ARHGEF38: variants seen among roughly 807,000 people sequenced by gnomAD.
ARHGEF38 encodes Rho guanine nucleotide exchange factor (GEF) 38.
In ARHGEF38, 79 loss-of-function variants were observed where a neutral mutation model predicts 79.9. The observed-to-expected ratio is 0.99, with a 90% CI of 0.82 to 1.19. The LOEUF (loss-of-function observed/expected upper bound fraction) is 1.19. ARHGEF38 is among the 50% of genes most tolerant of loss of function. ARHGEF38 has a pLI of 0.00. For missense variants in ARHGEF38, 962 were observed against 907.2 expected (o/e 1.06, Z -0.78); for synonymous variants, 366 against 328.3 (o/e 1.11, Z -1.24).
intron 13 of ARHGEF38, 35 bp from the exon 14 acceptor site, chr4:105,677,717 C>A: frequency 1.5e-6 from 2 of 1,373,950 alleles, no homozygotes; most frequent in Non-Finnish European, 9.5e-7. Flanking sequence ...TATTCAGGTT[C>A]CAATTCCAAT....
intron 3 of ARHGEF38, among the ~76,000 whole-genome samples, chr4:105,629,493 T>C (rs1194062463): frequency 6.6e-6 from 1 of 151,888 alleles, no homozygotes; most frequent in Non-Finnish European, 1.5e-5. Flanking sequence ...AATGACTTAC[T>C]CCTGTTAACT....
intron 8 of ARHGEF38, 124 bp from the exon 9 acceptor site, chr4:105,655,479 G>T (rs1352426438): frequency 2.0e-6 from 2 of 997,342 alleles, no homozygotes; most frequent in Non-Finnish European, 1.4e-6. Context: ...AATGTTTGTT[G>T]TTCCTTTTTA....
At position 105,680,076 on chromosome 4, in the gene ARHGEF38, T is replaced by C; in HGVS notation, c.*2139T>C. On this transcript the variant is annotated 3_prime_UTR_variant, in exon 14 of 14. Coordinates refer to ENST00000420470, the MANE Select transcript of ARHGEF38 (RefSeq NM_001242729.2). ...ATAATAGCCCTCCCTTCAGATCCACTGTAGACTTGAAGGACATCTCATTTT... is the reference window on the plus strand; with the variant it reads ...ATAATAGCCCTCCCTTCAGATCCACCGTAGACTTGAAGGACATCTCATTTT... 5 of 776,896 alleles carry C rather than the reference T, an allele frequency of 6.4e-6. No homozygotes were observed. The highest frequency in any genetic ancestry group is 5.4e-5 in the South Asian group (4 of 74,696). The allele number at this position is 776,896 out of a possible 1,614,324, so 48.1% of individuals were successfully genotyped here.
chr4:105,659,310 C>T lies in ARHGEF38; in HGVS notation c.1490C>T (p.Thr497Ile). The change falls in exon 10 of 14, where the codon ACC becomes ATC. Residue 497 changes from threonine to isoleucine, a missense_variant. Transcript: ENST00000420470. The part of the protein sequence containing the change: ...ILLNCLCSFI[T>I]LLRDLMLVAQ... ...TTGAACTGTCTATGCAGCTTCATTA[C>T]CCTCCTTAGGGACCTGATGCTCGTG... 2 of 1,536,014 alleles carry T rather than the reference C, an allele frequency of 1.3e-6. No homozygotes were observed. Among genetic ancestry groups the T allele is most frequent in the Non-Finnish European group, 1.7e-6 (2 of 1,146,876 alleles).
At chr4:105,666,028 T>C (rs567090777) in intron 10 of ARHGEF38, 149 bp from the exon 11 acceptor site, 2 of 539,250 alleles carry the variant, frequency 3.7e-6, no homozygotes, top group South Asian at 1.7e-4. Flanking sequence ...AATTAGACCA[T>C]ATTTATCTAG....
chr4:105,553,831 G>GT (rs1725120382), intron 1 of ARHGEF38, among the ~76,000 whole-genome samples: 1 of 152,084 alleles, frequency 6.6e-6, no homozygotes, highest in Non-Finnish European at 1.5e-5. Flanking sequence ...TTAGCACAAG[G>GT]TGTGTCTGAA....
chr4:105,681,288 T>TA (rs563622125), downstream of ARHGEF38, among the ~76,000 whole-genome samples: 104 of 144,956 alleles, frequency 7.2e-4, no homozygotes, highest in African/African-American at 1.9e-3. Flanking sequence ...AATCTTTCCT[T>TA]AAAAAAAAAA....
chr4:105,663,705 C>T (rs1730644472), intron 10 of ARHGEF38, among the ~76,000 whole-genome samples: 1 of 152,226 alleles, frequency 6.6e-6, no homozygotes, highest in South Asian at 2.1e-4. Context: ...TGTGGTGGCT[C>T]ACGCCTGTAA....
chr4:105,578,544 T>C (rs935933900), intron 1 of ARHGEF38, among the ~76,000 whole-genome samples: 3 of 152,160 alleles, frequency 2.0e-5, no homozygotes, highest in Non-Finnish European at 4.4e-5. Context: ...ACTATTATTG[T>C]GTTGCTGTCT....
chr4:105,635,424 A>C (rs753441655), intron 4 of ARHGEF38, among the ~76,000 whole-genome samples: 7 of 152,086 alleles, frequency 4.6e-5, no homozygotes, highest in Non-Finnish European at 8.8e-5. Flanking sequence ...TTTAGGTTTT[A>C]CTTGGCTAAA....
chr4:105,629,422 G>A (rs1271337747), intron 3 of ARHGEF38, among the ~76,000 whole-genome samples: 1 of 151,980 alleles, frequency 6.6e-6, no homozygotes, highest in Non-Finnish European at 1.5e-5. Flanking sequence ...CATGCAAGTA[G>A]GAAGTTAATG....
chr4:105,588,938 GT>G (rs969073977), intron 1 of ARHGEF38, among the ~76,000 whole-genome samples: 2 of 151,904 alleles, frequency 1.3e-5, no homozygotes, highest in African/African-American at 4.8e-5. Flanking sequence ...GTTGTGAACT[GT>G]TTTTTTTATA....
intron 4 of ARHGEF38, 156 bp downstream of exon 4, chr4:105,631,201 C>A: frequency 7.8e-7 from 1 of 1,275,990 alleles, no homozygotes. Context: ...AGCTGACATG[C>A]CAGAAGCCCT....
chr4:105,674,932 T>G (rs1465211438), intron 13 of ARHGEF38, among the ~76,000 whole-genome samples: 1 of 152,142 alleles, frequency 6.6e-6, no homozygotes, highest in Non-Finnish European at 1.5e-5. Flanking sequence ...GTTGCATAGG[T>G]AAAGCATTAC....
At chr4:105,640,573 C>T (rs1463701038) in intron 5 of ARHGEF38, among the ~76,000 whole-genome samples, 1 of 152,160 alleles carries the variant, frequency 6.6e-6, no homozygotes, top group Non-Finnish European at 1.5e-5. Flanking sequence ...CCCCTCCCAT[C>T]ATCCTGGAGA....
At chr4:105,591,744 G>A (rs76698505) in intron 2 of ARHGEF38, among the ~76,000 whole-genome samples, 10,323 of 152,196 alleles carry the variant, frequency 0.068, 378 homozygotes, top group Middle Eastern at 0.099. Flanking sequence ...TCTTGCTCCA[G>A]GCACTTCATT....
Position 105,677,782 on chromosome 4 carries a change from C to A in ARHGEF38, c.2179C>A (p.Arg727=). 2 of 1,518,276 alleles carry A rather than the reference C, an allele frequency of 1.3e-6. No individual in the cohort carries two copies. Among genetic ancestry groups the A allele is most frequent in the Non-Finnish European group, 1.8e-6 (2 of 1,135,082 alleles). 94.1% of individuals were successfully genotyped at this position (1,518,276 alleles called of 1,614,324 possible). A position where few individuals can be genotyped will look rare whatever the true frequency, so the allele number is the denominator to read the frequency against. The change falls in exon 14 of 14, where the codon CGG becomes AGG. Residue 727 remains arginine (R), a synonymous_variant. Coordinates refer to ENST00000420470, the MANE Select transcript of ARHGEF38 (RefSeq NM_001242729.2). ...CTATGCAGTTCATGCTTTTCAAGCACGGAGTGACCATGAACTCAGCCTTCA... is the reference window on the plus strand; with the variant it reads ...CTATGCAGTTCATGCTTTTCAAGCAAGGAGTGACCATGAACTCAGCCTTCA... ...IFYAVHAFQA[R]SDHELSLQEY...
intron 2 of ARHGEF38, among the ~76,000 whole-genome samples, chr4:105,593,542 A>C (rs1578290484): frequency 1.3e-5 from 2 of 152,174 alleles, no homozygotes; most frequent in Non-Finnish European, 2.9e-5. Context: ...TGTCTCCAGA[A>C]GAAACAAATA....
chr4:105,636,694 A>G (rs1033014006), intron 5 of ARHGEF38, among the ~76,000 whole-genome samples: 2 of 152,100 alleles, frequency 1.3e-5, no homozygotes, highest in Non-Finnish European at 2.9e-5. Flanking sequence ...CTCATCATAC[A>G]TATGTTTGGG....
Sources: gnomAD v4.1 joint callset for allele counts (sites outside exome capture counted in the v4.1 genomes callset) on GRCh38, gnomAD v4.1.1 for gene constraint, MANE v1.5 for transcripts, NCBI Gene and HGNC (gene_info 2026-07-23, HGNC 2026-07-21) for gene names.